Variants in AK8 observed in about 807,000 individuals in gnomAD.
The protein encoded by AK8 is adenylate kinase 8, also known as ATP-AMP transphosphorylase 8.
Under a neutral mutation model 54.6 loss-of-function variants are expected in AK8, and 44 were observed. That is an observed-to-expected ratio of 0.81 (90% confidence interval 0.63 to 1.04). AK8 has a LOEUF of 1.04. Among genes scored for constraint, AK8 ranks in the 50% least tolerant of loss-of-function variants. The pLI is 0.00. For missense variants in AK8, 555 were observed against 613.6 expected (o/e 0.90, Z 1.01); for synonymous variants, 239 against 245.6 (o/e 0.97, Z 0.25).
intron 5 of AK8, among the ~76,000 whole-genome samples, chr9:132,841,900 T>C (rs780766336): frequency 1.3e-5 from 2 of 151,856 alleles, no homozygotes; most frequent in Non-Finnish European, 2.9e-5. Flanking sequence ...GCATAGGAGA[T>C]CAGATTGGAA....
At chr9:132,745,003 G>C (rs1837573249) in intron 11 of AK8, among the ~76,000 whole-genome samples, 2 of 152,178 alleles carry the variant, frequency 1.3e-5, no homozygotes, top group African/African-American at 4.8e-5. Context: ...GGTCCGGGCT[G>C]CTGACAGCTC....
At chr9:132,876,337 C>T (rs2809241) in intron 1 of AK8, among the ~76,000 whole-genome samples, 115,477 of 151,992 alleles carry the variant, frequency 0.76, 44,048 homozygotes, top group South Asian at 0.86. Flanking sequence ...GTGTATTTAA[C>T]GTGTATTAGA....
chr9:132,830,756 G>T (rs1038945952), intron 5 of AK8, among the ~76,000 whole-genome samples: 3 of 152,150 alleles, frequency 2.0e-5, no homozygotes, highest in Non-Finnish European at 2.9e-5. Flanking sequence ...TTTGTGTGTG[G>T]TGTTGCTTTT....
At chr9:132,762,473 T>C (rs1356611260) in intron 11 of AK8, among the ~76,000 whole-genome samples, 4 of 152,174 alleles carry the variant, frequency 2.6e-5, no homozygotes, top group Non-Finnish European at 5.9e-5. Context: ...GGAAGATGAC[T>C]AGCTAGAGGC....
chr9:132,842,236 C>A (rs571655290), intron 5 of AK8, among the ~76,000 whole-genome samples: 1 of 152,246 alleles, frequency 6.6e-6, no homozygotes, highest in East Asian at 1.9e-4. Context: ...CTCCTTGGGC[C>A]ATGTGCATGT....
At chr9:132,795,259 G>A (rs1242705515) in intron 10 of AK8, among the ~76,000 whole-genome samples, 2 of 152,150 alleles carry the variant, frequency 1.3e-5, no homozygotes, top group Non-Finnish European at 2.9e-5. Flanking sequence ...AGTAAAGCTC[G>A]GGAGGGAGCT....
chr9:132,868,559 G>A (rs940374031), intron 2 of AK8, among the ~76,000 whole-genome samples: 1 of 152,158 alleles, frequency 6.6e-6, no homozygotes, highest in Admixed American at 6.5e-5. Context: ...TCCCTGTGGA[G>A]GCCCGTGATC....
intron 11 of AK8, among the ~76,000 whole-genome samples, chr9:132,780,396 C>T (rs903473476): frequency 2.6e-5 from 4 of 152,276 alleles, no homozygotes; most frequent in Admixed American, 2.6e-4. Flanking sequence ...TCCCTCCCCT[C>T]GGCAGCTCTG....
chr9:132,848,739 G>T (rs1313619463), intron 5 of AK8, among the ~76,000 whole-genome samples: 1 of 152,170 alleles, frequency 6.6e-6, no homozygotes, highest in African/African-American at 2.4e-5. Flanking sequence ...AAGGTCTCGG[G>T]TGTGGGGAAG....
intron 5 of AK8, among the ~76,000 whole-genome samples, chr9:132,854,618 C>A (rs373373208): frequency 6.6e-6 from 1 of 152,238 alleles, no homozygotes; most frequent in Non-Finnish European, 1.5e-5. Context: ...TCCTGTGACC[C>A]CTCTGGATGG....
At chr9:132,725,997 C>T (rs1200236919) in intron 12 of AK8, 72 bp from the exon 13 acceptor site, 1 of 1,393,382 alleles carries the variant, frequency 7.2e-7, no homozygotes, top group East Asian at 2.3e-5. Context: ...ACCCTCTACT[C>T]TACTGTGGAC....
chr9:132,769,748 G>C (rs1838876328), intron 11 of AK8: 1 of 152,184 alleles, frequency 6.6e-6, no homozygotes, highest in Non-Finnish European at 1.5e-5. Flanking sequence ...TAGGTAATCA[G>C]ATCGCTGTTA....
intron 2 of AK8, among the ~76,000 whole-genome samples, chr9:132,873,155 C>T (rs59408733): frequency 0.086 from 13,056 of 152,216 alleles, 1,020 homozygotes; most frequent in African/African-American, 0.2. Flanking sequence ...GCCATATTGG[C>T]CAGGCTGGCA....
chr9:132,814,062 G>T (rs969866908), intron 10 of AK8, among the ~76,000 whole-genome samples: 2 of 151,924 alleles, frequency 1.3e-5, no homozygotes, highest in African/African-American at 2.4e-5. Flanking sequence ...AGGATCACTT[G>T]AGCCCAGGAG....
At position 132,855,594 on chromosome 9, in the gene AK8, C is replaced by A. The variant is rs1843145020; in HGVS notation, c.334-669G>T. Among the ~76,000 whole-genome samples the A allele has an allele frequency of 3.3e-5, 5 of 152,334 alleles. No homozygotes were observed. The South Asian group carries it at 1.0e-3, about 32-fold the overall frequency. On this transcript the variant is annotated intron_variant, in intron 4 of 12. Transcript: ENST00000298545. ...AGGACTCCCCACCCTGCCCCCAGTG[C>A]TGGTTGTTGAATATTGACCAGCAGA...
At position 132,826,656 on chromosome 9, in the gene AK8, C is replaced by T. The variant is rs1841881380; in HGVS notation, c.757+198G>A. On this transcript the variant is annotated intron_variant, in intron 8 of 12. Transcript: ENST00000298545. This position sits in a 1 kb window ranked among gnomAD's most constrained non-coding sequence, Gnocchi z 4.5. The stretch of plus-strand genomic sequence containing the variant: ...AGTGTGGGACATTAGCCCAGGGTCT[C>T]CAAGTGGGGTACCCCCAGGGGCTCT... 6.6e-6 allele frequency among the ~76,000 whole-genome samples: 1 copy of T among 152,134 alleles called. No homozygotes were observed. The highest frequency in any genetic ancestry group is 1.5e-5 in the Non-Finnish European group (1 of 68,028).
chr9:132,869,834 T>C (rs928855230), intron 2 of AK8, among the ~76,000 whole-genome samples: 1 of 150,034 alleles, frequency 6.7e-6, no homozygotes, highest in Non-Finnish European at 1.5e-5. Context: ...TGGTCAAGGG[T>C]GGAGGAGCCT....
At chr9:132,766,142 T>G (rs1439900829) in intron 11 of AK8, among the ~76,000 whole-genome samples, 6 of 152,204 alleles carry the variant, frequency 3.9e-5, no homozygotes, top group Non-Finnish European at 1.5e-5. Context: ...GACAGGATCT[T>G]GCTCTGTTGC....
intron 11 of AK8, among the ~76,000 whole-genome samples, chr9:132,756,240 A>T (rs2131034827): frequency 6.6e-6 from 1 of 152,324 alleles, no homozygotes; most frequent in African/African-American, 2.4e-5. Context: ...ATTCTTGCAT[A>T]GAAAAGAATT....
Sources: allele counts gnomAD v4.1 joint callset (sites outside exome capture counted in the v4.1 genomes callset), GRCh38; gene constraint gnomAD v4.1.1; non-coding constraint Gnocchi (gnomAD v3.1); transcripts MANE v1.5; gene names NCBI Gene and HGNC (gene_info 2026-07-23, HGNC 2026-07-21).